ANO7: variants seen among roughly 807,000 people sequenced by gnomAD.
ANO7 encodes the protein anoctamin-7.
ANO7 carries 114 observed loss-of-function variants against 115.8 expected under a neutral mutation model. The ratio of observed to expected loss-of-function variants is 0.98; its 90% confidence interval spans 0.85 to 1.15. The LOEUF (loss-of-function observed/expected upper bound fraction) is 1.15, where lower values mean the gene tolerates loss of function less well. ANO7 is among the 50% of genes most tolerant of loss of function. The probability of loss-of-function intolerance (pLI) is 0.00; values close to 1 mark genes in which losing one functional copy is unlikely to be tolerated. For synonymous variants in ANO7, 550 were observed against 498.2 expected, an observed-to-expected ratio of 1.10 and a Z score of -1.38; for missense variants, 1,302 against 1,201.2, an observed-to-expected ratio of 1.08 and a Z score of -1.24.
At chr2:241,205,535 A>C (rs2012152) in intron 10 of ANO7, among the ~76,000 whole-genome samples, 81,957 of 104,576 alleles carry the variant, frequency 0.78, 31,893 homozygotes, top group East Asian at 0.89. Context: ...GGAGTGCTCC[A>C]AGGCTGACAC....
Position 241,224,206 on chromosome 2 carries a change from G to A in ANO7, c.*53G>A. 6.3e-7 allele frequency: 1 copy of A among 1,593,432 alleles called. No individual in the cohort carries two copies. The highest frequency in any genetic ancestry group is 8.6e-7 in the Non-Finnish European group (1 of 1,163,546). On this transcript the variant is annotated 3_prime_UTR_variant, in exon 25 of 25. Coordinates refer to ENST00000674324, the MANE Select transcript of ANO7 (RefSeq NM_001370694.2). ...AGGGGAGTGGCCCCTCCTGAGCCCT[G>A]CGAGCAGCGTCCTTTTCCTCTTCCC...
chr2:241,189,766 C>T (rs2068144442), intron 1 of ANO7, among the ~76,000 whole-genome samples: 1 of 152,176 alleles, frequency 6.6e-6, no homozygotes, highest in Admixed American at 6.5e-5. Flanking sequence ...GAGTGGACGG[C>T]ATTCAGGGCT....
intron 6 of ANO7, among the ~76,000 whole-genome samples, chr2:241,200,587 T>C (rs1047915298): frequency 6.6e-6 from 1 of 151,972 alleles, no homozygotes; most frequent in African/African-American, 2.4e-5. Context: ...ACTGTGGAGG[T>C]AGAATACAGG....
At chr2:241,215,987 A>C in intron 18 of ANO7, 106 bp from the exon 19 acceptor site, 1 of 1,418,180 alleles carries the variant, frequency 7.1e-7, no homozygotes. Context: ...CTGCCCTTCA[A>C]TTGCAAAGCA....
intron 2 of ANO7, 101 bp from the exon 3 acceptor site, chr2:241,191,093 G>T: frequency 7.6e-7 from 1 of 1,319,184 alleles, no homozygotes. Context: ...GGGCGGGGAC[G>T]GGTTGGAGGC....
chr2:241,227,445 CAAG>C (rs887773447), downstream of ANO7: 3 of 152,504 alleles, frequency 2.0e-5, no homozygotes, highest in African/African-American at 7.2e-5. Flanking sequence ...AGACATCCAA[CAAG>C]GAGGAAAAGC....
the ANO7 span, chr2:241,238,697 G>A: frequency 3.8e-6 from 6 of 1,588,530 alleles, no homozygotes; most frequent in East Asian, 2.3e-5. This position sits in a 1 kb window ranked among gnomAD's most constrained non-coding sequence, Gnocchi z 4.9. Flanking sequence ...CTGAAATCCC[G>A]AGTAATCTGC....
chr2:241,223,184 AG>A lies in ANO7; in HGVS notation c.2322del. 2 of 1,613,954 alleles carry A rather than the reference AG, an allele frequency of 1.2e-6. No individual in the cohort carries two copies. Among genetic ancestry groups the A allele is most frequent in the African/African-American group, 1.3e-5 (1 of 75,058 alleles). ...GCGCACTGAGTCCTGTGTCTGCTGC[AG>A]GTATCGGGCTTTCCGGGATGACGAT... On this transcript the variant is annotated splice_acceptor_variant, in intron 21 of 24. Transcript: ENST00000674324. LOFTEE classifies it high-confidence loss of function.
intron 19 of ANO7, among the ~76,000 whole-genome samples, chr2:241,216,603 T>A (rs371688326): frequency 1.5e-4 from 23 of 152,298 alleles, no homozygotes; most frequent in African/African-American, 5.3e-4. Flanking sequence ...GAAGCCACAG[T>A]GGGAGGCAGC....
chr2:241,239,336 C>T, the ANO7 span, among the ~76,000 whole-genome samples: 1 of 151,570 alleles, frequency 6.6e-6, no homozygotes, highest in Non-Finnish European at 1.5e-5. The surrounding 1 kb of genome is among the most constrained non-coding windows in gnomAD (Gnocchi z 4.6). Flanking sequence ...TGCTTTCTTT[C>T]CTCTCTCTCT....
At chr2:241,191,280 C>T in intron 3 of ANO7, 29 bp downstream of exon 3, 3 of 1,612,526 alleles carry the variant, frequency 1.9e-6, no homozygotes, top group Non-Finnish European at 2.5e-6. Flanking sequence ...CTGTACCACA[C>T]CCGTGTTGGT....
rs62187431 is a variant in ANO7 at position 241,212,376 on chromosome 2, C to G, written c.1673+171C>G. Among the ~76,000 whole-genome samples the G allele has an allele frequency of 0.12, 18,997 of 152,240 alleles. 1,471 individuals are homozygous for G. The highest frequency in any genetic ancestry group is 0.17 in the Non-Finnish European group (11,581 of 67,976). On this transcript the variant is annotated intron_variant, in intron 16 of 24. Transcript: ENST00000674324. ...ATGCCTCCTGGCACCTCTGAGCAAACAGGGGCTGCCCACCTCTTGGTCCCT... is the reference window on the plus strand; with the variant it reads ...ATGCCTCCTGGCACCTCTGAGCAAAGAGGGGCTGCCCACCTCTTGGTCCCT...
chr2:241,215,814 G>A (rs749265), intron 18 of ANO7, among the ~76,000 whole-genome samples: 5,080 of 152,318 alleles, frequency 0.033, 512 homozygotes, highest in Admixed American at 0.19. Context: ...TCCGGGAGGA[G>A]CCCATTACCC....
chr2:241,210,218 G>A, intron 13 of ANO7, 77 bp from the exon 14 acceptor site: 1 of 1,425,424 alleles, frequency 7.0e-7, no homozygotes. Context: ...TAGAAGAGCT[G>A]TCGGGGGCCA....
At chr2:241,230,302 C>G, downstream of ANO7, 2 of 1,307,618 alleles carry the variant, frequency 1.5e-6, no homozygotes, top group Non-Finnish European at 2.1e-6. The surrounding 1 kb of genome is among the most constrained non-coding windows in gnomAD (Gnocchi z 5.0). Flanking sequence ...GATGAGGGGA[C>G]TCCAAGCGAG....
chr2:241,213,433 T>C (rs1182313820), intron 17 of ANO7, among the ~76,000 whole-genome samples: 1 of 152,176 alleles, frequency 6.6e-6, no homozygotes, highest in Non-Finnish European at 1.5e-5. Context: ...CAAATGGAAG[T>C]TCACCTGGTG....
intron 2 of ANO7, among the ~76,000 whole-genome samples, chr2:241,190,463 G>C (rs2068173138): frequency 6.6e-6 from 1 of 152,204 alleles, no homozygotes. Context: ...CCAGGGCGGG[G>C]CCCTCCCTGT....
At chr2:241,226,448 G>C (rs919458288), downstream of ANO7, among the ~76,000 whole-genome samples, 8 of 150,118 alleles carry the variant, frequency 5.3e-5, no homozygotes, top group Non-Finnish European at 1.2e-4. Flanking sequence ...TTTTTGAGAT[G>C]GAGTCTCGCT....
chr2:241,213,960 A>G (rs2068768737), intron 17 of ANO7, among the ~76,000 whole-genome samples: 1 of 152,196 alleles, frequency 6.6e-6, no homozygotes, highest in South Asian at 2.1e-4. Flanking sequence ...GTTAAGTGGG[A>G]AAAGTTCCCA....
Sources: allele counts gnomAD v4.1 joint callset (sites outside exome capture counted in the v4.1 genomes callset), GRCh38; gene constraint gnomAD v4.1.1; non-coding constraint Gnocchi (gnomAD v3.1); transcripts MANE v1.5; gene names NCBI Gene and HGNC (gene_info 2026-07-23, HGNC 2026-07-21).